The following NAA11 variants were observed in gnomAD, a reference collection of about 807,000 sequenced individuals.
NAA11 encodes the protein N-alpha-acetyltransferase 11, NatA catalytic subunit, also known as N-alpha-acetyltransferase 11.
Under a neutral mutation model 16.1 loss-of-function variants are expected in NAA11, and 15 were observed. That is an observed-to-expected ratio of 0.93 (90% confidence interval 0.62 to 1.44). The LOEUF is 1.44. NAA11 is among the 40% of genes most tolerant of loss of function. NAA11 has a pLI of 0.00. For missense variants in NAA11, 298 were observed against 291.3 expected (o/e 1.02, Z -0.17); for synonymous variants, 122 against 112.4 (o/e 1.09, Z -0.54).
At chr4:79,189,289 G>A in the NAA11 span, among the ~76,000 whole-genome samples, 1 of 152,092 alleles carries the variant, frequency 6.6e-6, no homozygotes, top group African/African-American at 2.4e-5. Flanking sequence ...TCAAGCTAAC[G>A]GATCCAAAGG....
At chr4:79,235,148 A>G (rs1721545753) in intron 2 of NAA11, among the ~76,000 whole-genome samples, 2 of 152,118 alleles carry the variant, frequency 1.3e-5, no homozygotes, top group Non-Finnish European at 2.9e-5. Context: ...AGAAGAAGCC[A>G]TGAGCAGGTT....
chr4:79,172,029 A>G, the NAA11 span, among the ~76,000 whole-genome samples: 1 of 152,198 alleles, frequency 6.6e-6, no homozygotes, highest in Non-Finnish European at 1.5e-5. Context: ...TTAGGACATT[A>G]AGAAGAATAT....
chr4:79,215,579 G>C, the NAA11 span, among the ~76,000 whole-genome samples: 1 of 152,164 alleles, frequency 6.6e-6, no homozygotes, highest in Non-Finnish European at 1.5e-5. Context: ...ATCCACCCCA[G>C]GTAGTTTTCC....
the NAA11 span, among the ~76,000 whole-genome samples, chr4:79,202,621 TTTTATA>T: frequency 2.5e-4 from 3 of 11,970 alleles, no homozygotes; most frequent in African/African-American, 3.6e-4. Flanking sequence ...TTATATATAG[TTTTATA>T]TATATATATA....
chr4:79,176,794 C>T, the NAA11 span, among the ~76,000 whole-genome samples: 2 of 152,272 alleles, frequency 1.3e-5, no homozygotes, highest in East Asian at 3.9e-4. Flanking sequence ...TTTACAAAAG[C>T]TCAGAAAATC....
chr4:79,325,259 T>C lies in NAA11; in HGVS notation c.619A>G (p.Lys207Glu). 6.2e-7 allele frequency: 1 copy of C among 1,613,788 alleles called. No homozygotes were observed. Among genetic ancestry groups the C allele is most frequent in the Non-Finnish European group, 8.5e-7 (1 of 1,179,782 alleles). The change falls in exon 1 of 2, where the codon AAA (lysine) becomes GAA (glutamate). Residue 207 changes from lysine (K) to glutamate (E), a missense_variant. By Grantham distance (56) the Lys-to-Glu change is moderately conservative (BLOSUM62 1). Coordinates refer to ENST00000286794, the MANE Select transcript of NAA11 (RefSeq NM_032693.3). ...PATEESGSDS[K>E]EPKESVESTN... ...CTCTCCACAGACTCCTTAGGTTCTTTGCTGTCACTGCCACTTTCTTCGGTA... is the reference window on the plus strand; with the variant it reads ...CTCTCCACAGACTCCTTAGGTTCTTCGCTGTCACTGCCACTTTCTTCGGTA...
At chr4:79,203,188 G>A in the NAA11 span, among the ~76,000 whole-genome samples, 13 of 151,424 alleles carry the variant, frequency 8.6e-5, no homozygotes, top group East Asian at 1.9e-4. Flanking sequence ...AAAAGGCTTC[G>A]AACTTAAGCT....
At chr4:79,244,227 C>T (rs748354334) in intron 2 of NAA11, among the ~76,000 whole-genome samples, 9 of 152,172 alleles carry the variant, frequency 5.9e-5, no homozygotes, top group Non-Finnish European at 1.0e-4. Context: ...AAACCATCAC[C>T]TGACTTTTCT....
intron 2 of NAA11, among the ~76,000 whole-genome samples, chr4:79,283,588 C>T (rs575954854): frequency 1.0e-4 from 15 of 150,648 alleles, no homozygotes; most frequent in Admixed American, 3.3e-4. Context: ...GTCTGGGTAA[C>T]GAAGAAAATA....
chr4:79,318,018 T>A lies in NAA11; in HGVS notation c.*13-227A>T, dbSNP rs369782849. On this transcript the variant is annotated intron_variant, in intron 1 of 1. Transcript: ENST00000286794. ...CTCCCCTCCCTGCCATAAGAACACA[T>A]GAACCTTTCCTGACATCTAAAGGAC... Among the ~76,000 whole-genome samples the A allele has an allele frequency of 4.1e-3, 620 of 152,192 alleles. 2 individuals carry two copies. The highest frequency in any genetic ancestry group is 0.014 in the African/African-American group (586 of 41,520).
intron 2 of NAA11, among the ~76,000 whole-genome samples, chr4:79,239,890 A>G (rs1237104638): frequency 6.6e-6 from 1 of 152,190 alleles, no homozygotes; most frequent in Non-Finnish European, 1.5e-5. Flanking sequence ...GCCTATGAGC[A>G]AAGTGGCCAT....
At chr4:79,158,286 C>T in the NAA11 span, among the ~76,000 whole-genome samples, 1 of 152,080 alleles carries the variant, frequency 6.6e-6, no homozygotes, top group Non-Finnish European at 1.5e-5. Context: ...AATTAATGTA[C>T]ACAAACCAGT....
chr4:79,259,321 T>C (rs146246333), intron 2 of NAA11, among the ~76,000 whole-genome samples: 110 of 152,278 alleles, frequency 7.2e-4, no homozygotes, highest in African/African-American at 1.9e-3. Context: ...CTTCTGGGCG[T>C]CACCACATTC....
the NAA11 span, among the ~76,000 whole-genome samples, chr4:79,166,644 C>T: frequency 7.1e-5 from 10 of 141,390 alleles, no homozygotes; most frequent in African/African-American, 1.3e-4. Flanking sequence ...CTGAGGCGGG[C>T]GGATCACAAG....
intron 1 of NAA11, among the ~76,000 whole-genome samples, chr4:79,306,020 A>G (rs933176910): frequency 3.9e-5 from 6 of 152,142 alleles, no homozygotes; most frequent in African/African-American, 7.2e-5. Flanking sequence ...TGTTCCAACT[A>G]ACTATCTGAC....
intron 1 of NAA11, among the ~76,000 whole-genome samples, chr4:79,296,883 A>G (rs905117050): frequency 1.3e-5 from 2 of 152,200 alleles, no homozygotes; most frequent in African/African-American, 4.8e-5. Context: ...CCCATTTATG[A>G]TTAAGGCTAT....
chr4:79,319,108 T>C (rs1473716437), intron 1 of NAA11, among the ~76,000 whole-genome samples: 1 of 152,132 alleles, frequency 6.6e-6, no homozygotes, highest in African/African-American at 2.4e-5. Flanking sequence ...TTTTAGTTTT[T>C]GTAGAGACTA....
chr4:79,223,659 A>G (rs76661421), downstream of NAA11, among the ~76,000 whole-genome samples: 370 of 151,754 alleles, frequency 2.4e-3, 4 homozygotes, highest in African/African-American at 8.4e-3. Context: ...AAAAAAAAAA[A>G]AAGATTTCTC....
the NAA11 span, among the ~76,000 whole-genome samples, chr4:79,182,508 A>AAGTT: frequency 3.3e-5 from 5 of 152,244 alleles, no homozygotes; most frequent in Admixed American, 2.6e-4. Flanking sequence ...ATATTTGGCA[A>AAGTT]AGTTAAAAGA....
Sources: gnomAD v4.1 joint callset for allele counts (sites outside exome capture counted in the v4.1 genomes callset) on GRCh38, gnomAD v4.1.1 for gene constraint, MANE v1.5 for transcripts, NCBI Gene and HGNC (gene_info 2026-07-23, HGNC 2026-07-21) for gene names.